Variants in ADCY2 observed in about 807,000 individuals in gnomAD.
ADCY2 encodes the protein adenylate cyclase type 2.
In ADCY2, 31 loss-of-function variants were observed where a neutral mutation model predicts 125.2. The observed-to-expected ratio is 0.25, with a 90% CI of 0.19 to 0.33. The LOEUF (loss-of-function observed/expected upper bound fraction) is 0.33. Among genes scored for constraint, ADCY2 ranks in the 10% least tolerant of loss-of-function variants. The pLI is 1.00. For synonymous variants in ADCY2, 512 were observed against 548.4 expected, an observed-to-expected ratio of 0.93 and a Z score of 0.93; for missense variants, 904 against 1,418.2, an observed-to-expected ratio of 0.64 and a Z score of 5.82.
intron 2 of ADCY2, among the ~76,000 whole-genome samples, chr5:7,461,580 G>A (rs752103871): frequency 6.6e-6 from 1 of 152,132 alleles, no homozygotes; most frequent in Non-Finnish European, 1.5e-5. Flanking sequence ...AGAATCTGAC[G>A]TAGTTTCCCA....
At chr5:7,659,628 A>T (rs1428461118) in intron 4 of ADCY2, among the ~76,000 whole-genome samples, 9 of 152,242 alleles carry the variant, frequency 5.9e-5, no homozygotes, top group Admixed American at 5.2e-4. Context: ...GGACCAGGAA[A>T]TTGAGTTACT....
chr5:7,524,417 A>G (rs903980385), intron 3 of ADCY2, among the ~76,000 whole-genome samples: 1 of 152,300 alleles, frequency 6.6e-6, no homozygotes, highest in African/African-American at 2.4e-5. Flanking sequence ...TGGGAAGTCC[A>G]CATTGCTCTA....
chr5:7,515,397 T>C (rs923227695), intron 2 of ADCY2, among the ~76,000 whole-genome samples: 27 of 152,050 alleles, frequency 1.8e-4, no homozygotes, highest in Non-Finnish European at 1.9e-4. Context: ...ATGTGCTGAG[T>C]CAAGAGAGTT....
At chr5:7,694,186 A>G (rs1393400603) in intron 5 of ADCY2, among the ~76,000 whole-genome samples, 1 of 152,204 alleles carries the variant, frequency 6.6e-6, no homozygotes, top group Non-Finnish European at 1.5e-5. Context: ...TAGCAGAAGG[A>G]GCAGAGTATG....
chr5:7,714,571 A>G (rs1741539562), intron 11 of ADCY2, among the ~76,000 whole-genome samples: 2 of 152,270 alleles, frequency 1.3e-5, no homozygotes, highest in African/African-American at 2.4e-5. Context: ...GGAGAATGCC[A>G]GCGTCACATG....
intron 2 of ADCY2, among the ~76,000 whole-genome samples, chr5:7,519,805 G>A (rs994435474): frequency 6.6e-6 from 1 of 152,044 alleles, no homozygotes; most frequent in African/African-American, 2.4e-5. Context: ...GCTACTCTCC[G>A]TTCCCCAGCC....
At chr5:7,521,490 AC>A (rs1467481437) in intron 3 of ADCY2, among the ~76,000 whole-genome samples, 1 of 152,158 alleles carries the variant, frequency 6.6e-6, no homozygotes, top group Non-Finnish European at 1.5e-5. Flanking sequence ...AATTATGTAC[AC>A]CTATAAACAT....
chr5:7,817,108 C>T, intron 23 of ADCY2, 128 bp downstream of exon 23: 2 of 702,862 alleles, frequency 2.8e-6, no homozygotes, highest in Middle Eastern at 2.4e-4. Context: ...CGTTGCAAGA[C>T]TGGATGACAG....
Position 7,406,609 on chromosome 5 carries a change from C to T in ADCY2, c.211-7964C>T, listed in dbSNP as rs116880524. ...TTTTATGTGGCCTTTGAATCTTCCCCGGGAGGTCCTTCTTCTTTATTTACC... is the reference window on the plus strand; with the variant it reads ...TTTTATGTGGCCTTTGAATCTTCCCTGGGAGGTCCTTCTTCTTTATTTACC... On this transcript the variant is annotated intron_variant, in intron 1 of 24. Transcript: ENST00000338316. 6.6e-4 allele frequency among the ~76,000 whole-genome samples: 101 copies of T among 152,260 alleles called. No homozygotes were observed. In the East Asian group the frequency reaches 0.018, roughly 27 times the overall value.
chr5:7,476,195 A>G lies in ADCY2; in HGVS notation c.409-44543A>G, dbSNP rs1311454628. ...CAGTGAATCTGCTAAAGCTTGTTCC[A>G]TATTTAGTAGGAGACGTCTGGATGG... On this transcript the variant is annotated intron_variant, in intron 2 of 24. Coordinates refer to ENST00000338316, the MANE Select transcript of ADCY2 (RefSeq NM_020546.3). Among the ~76,000 whole-genome samples, 3 of 152,078 alleles carry G rather than the reference A, an allele frequency of 2.0e-5. No homozygotes were observed. In the East Asian group the frequency reaches 5.8e-4, roughly 29 times the overall value.
At chr5:7,493,992 C>A (rs920295638) in intron 2 of ADCY2, among the ~76,000 whole-genome samples, 1 of 152,028 alleles carries the variant, frequency 6.6e-6, no homozygotes, top group East Asian at 1.9e-4. Flanking sequence ...CTGGAAAAGC[C>A]GAGCTGCAGA....
intron 2 of ADCY2, among the ~76,000 whole-genome samples, chr5:7,489,572 C>A (rs1743082052): frequency 1.3e-5 from 2 of 152,192 alleles, no homozygotes; most frequent in African/African-American, 4.8e-5. Context: ...GCTCTCTTGC[C>A]TGCCGCCATG....
At chr5:7,484,870 A>G (rs1742866495) in intron 2 of ADCY2, among the ~76,000 whole-genome samples, 1 of 152,134 alleles carries the variant, frequency 6.6e-6, no homozygotes, top group Admixed American at 6.5e-5. Context: ...TTCAGACCCG[A>G]TTTCCCATAA....
chr5:7,542,694 T>C (rs1735031053), intron 3 of ADCY2, among the ~76,000 whole-genome samples: 1 of 152,232 alleles, frequency 6.6e-6, no homozygotes, highest in Non-Finnish European at 1.5e-5. Context: ...CCTCAAGGCC[T>C]TCAGCTGATT....
chr5:7,405,817 C>T (rs775242475), intron 1 of ADCY2, among the ~76,000 whole-genome samples: 12 of 152,216 alleles, frequency 7.9e-5, no homozygotes, highest in Admixed American at 2.6e-4. Context: ...CTAATTACTA[C>T]AGCAGTCCAC....
At chr5:7,522,799 G>C (rs1207991613) in intron 3 of ADCY2, among the ~76,000 whole-genome samples, 1 of 149,110 alleles carries the variant, frequency 6.7e-6, no homozygotes, top group Admixed American at 6.7e-5. Context: ...GGTGGTGGGC[G>C]CCTGTAGTCC....
At chr5:7,749,962 G>A (rs1742753291) in intron 15 of ADCY2, among the ~76,000 whole-genome samples, 1 of 152,066 alleles carries the variant, frequency 6.6e-6, no homozygotes, top group African/African-American at 2.4e-5. Context: ...TATTTGCCTG[G>A]TGTTCCTTGT....
chr5:7,621,739 C>T (rs1242905211), intron 3 of ADCY2, among the ~76,000 whole-genome samples: 2 of 152,206 alleles, frequency 1.3e-5, no homozygotes, highest in African/African-American at 4.8e-5. Context: ...AGATACCACC[C>T]TTCCCAGAAG....
Position 7,764,799 on chromosome 5 carries a change from G to T in ADCY2, c.2095-1888G>T, listed in dbSNP as rs979742498. Among the ~76,000 whole-genome samples the T allele has an allele frequency of 4.6e-5, 7 of 152,280 alleles. No individual in the cohort carries two copies. In the East Asian group the frequency reaches 7.7e-4, roughly 17 times the overall value. On this transcript the variant is annotated intron_variant, in intron 16 of 24. Transcript: ENST00000338316. ...TTGGGGCAGTTTTACCTGGAGGGAAGGTGGGCAAGGGATTAGTAACTCTCT... is the reference window on the plus strand; with the variant it reads ...TTGGGGCAGTTTTACCTGGAGGGAATGTGGGCAAGGGATTAGTAACTCTCT...
Sources: allele counts gnomAD v4.1 joint callset (sites outside exome capture counted in the v4.1 genomes callset), GRCh38; gene constraint gnomAD v4.1.1; transcripts MANE v1.5; gene names NCBI Gene and HGNC (gene_info 2026-07-23, HGNC 2026-07-21).